WNT2: variants seen among roughly 807,000 people sequenced by gnomAD.
WNT2 encodes Wnt family member 2, also known as protein Wnt-2.
A neutral mutation model predicts 36.9 loss-of-function variants in WNT2; 12 were observed. That is an observed-to-expected ratio of 0.33 (90% CI 0.21 to 0.53). The LOEUF is 0.53. Ranked by LOEUF, WNT2 falls within the 20% of genes least tolerant of loss-of-function variation. The pLI is 0.95. For missense variants in WNT2, 379 were observed against 473.1 expected, an observed-to-expected ratio of 0.80 and a Z score of 1.84; for synonymous variants, 163 against 174.6, an observed-to-expected ratio of 0.93 and a Z score of 0.52.
Position 117,289,477 on chromosome 7 carries a change from G to A in WNT2, c.853+8135C>T, listed in dbSNP as rs559854488. Among the ~76,000 whole-genome samples the A allele has an allele frequency of 1.8e-4, 28 of 152,316 alleles. No individual in the cohort carries two copies. The South Asian group carries it at 3.7e-3, about 20-fold the overall frequency. On this transcript the variant is annotated intron_variant, in intron 4 of 4. Coordinates refer to ENST00000265441, the MANE Select transcript of WNT2 (RefSeq NM_003391.3). The stretch of plus-strand genomic sequence containing the variant: ...TTCCATTGAACACTTAAGCTTAAAT[G>A]GGAATTTTCATAGGCTGTGAGTTAA...
chr7:117,313,136 G>A (rs1345797596), intron 3 of WNT2, among the ~76,000 whole-genome samples: 1 of 152,228 alleles, frequency 6.6e-6, no homozygotes, highest in Non-Finnish European at 1.5e-5. Flanking sequence ...ACAAGCCCAG[G>A]CTGTTCTCAT....
At chr7:117,281,612 T>A (rs917130382) in intron 4 of WNT2, among the ~76,000 whole-genome samples, 1 of 152,060 alleles carries the variant, frequency 6.6e-6, no homozygotes, top group African/African-American at 2.4e-5. Flanking sequence ...AGACCTTTAA[T>A]TCTGAAAACT....
chr7:117,291,128 G>A (rs2116341475), intron 4 of WNT2, among the ~76,000 whole-genome samples: 1 of 152,302 alleles, frequency 6.6e-6, no homozygotes, highest in African/African-American at 2.4e-5. Flanking sequence ...TGTACCCATG[G>A]GTTCTGAGTT....
chr7:117,305,444 T>C (rs569780113), intron 3 of WNT2, among the ~76,000 whole-genome samples: 13 of 152,332 alleles, frequency 8.5e-5, no homozygotes, highest in African/African-American at 2.9e-4. Flanking sequence ...TCTTTTATCC[T>C]TGAATTACTG....
intron 4 of WNT2, among the ~76,000 whole-genome samples, chr7:117,289,874 G>C (rs1794655291): frequency 6.6e-6 from 1 of 152,156 alleles, no homozygotes; most frequent in Non-Finnish European, 1.5e-5. Flanking sequence ...AAGCAGATAG[G>C]TCCTTGACAC....
At chr7:117,321,137 G>A (rs1795318469) in intron 1 of WNT2, among the ~76,000 whole-genome samples, 1 of 152,190 alleles carries the variant, frequency 6.6e-6, no homozygotes. Context: ...GTCTTGGGGA[G>A]AATGTGTGGA....
At chr7:117,286,676 A>G (rs1360189663) in intron 4 of WNT2, among the ~76,000 whole-genome samples, 1 of 152,132 alleles carries the variant, frequency 6.6e-6, no homozygotes, top group Non-Finnish European at 1.5e-5. Context: ...GAACTAAAGT[A>G]TGTTAAAGAG....
intron 4 of WNT2, among the ~76,000 whole-genome samples, chr7:117,288,774 A>G (rs1419685192): frequency 2.0e-5 from 3 of 152,252 alleles, no homozygotes; most frequent in South Asian, 2.1e-4. Context: ...ACCACTGTCA[A>G]TTCAAATTAA....
intron 4 of WNT2, among the ~76,000 whole-genome samples, chr7:117,293,174 C>A (rs1794724164): frequency 6.6e-6 from 1 of 151,260 alleles, no homozygotes; most frequent in Non-Finnish European, 1.5e-5. Context: ...CCCTAAGATG[C>A]TGGTTCAATA....
chr7:117,315,500 C>A, intron 2 of WNT2, 152 bp from the exon 3 acceptor site: 1 of 839,620 alleles, frequency 1.2e-6, no homozygotes, highest in South Asian at 1.9e-5. Context: ...TTTTCTAGAG[C>A]CCAGGCTCTT....
intron 4 of WNT2, among the ~76,000 whole-genome samples, chr7:117,286,045 G>A (rs1362988585): frequency 1.3e-5 from 2 of 152,172 alleles, no homozygotes; most frequent in African/African-American, 2.4e-5. Context: ...GGAAGGAGCT[G>A]CTTCCAGCCA....
At chr7:117,286,513 T>C (rs1181536969) in intron 4 of WNT2, among the ~76,000 whole-genome samples, 1 of 151,630 alleles carries the variant, frequency 6.6e-6, no homozygotes. Flanking sequence ...TGGATAGACC[T>C]GTGTCTGGAA....
At chr7:117,296,708 A>T (rs1450473544) in intron 4 of WNT2, among the ~76,000 whole-genome samples, 1 of 152,270 alleles carries the variant, frequency 6.6e-6, no homozygotes, top group East Asian at 1.9e-4. Context: ...GAGCATGAAC[A>T]TGTGTAAACC....
At position 117,277,209 on chromosome 7, in the gene WNT2, C is replaced by T. The variant is rs1410844488; in HGVS notation, c.*946G>A. On this transcript the variant is annotated 3_prime_UTR_variant, in exon 5 of 5. Transcript: ENST00000265441. ...TTCAAGTCTTTCAGTTATGAGATTCCATGGGTCACATGCATAATATGAGAT... is the reference window on the plus strand; with the variant it reads ...TTCAAGTCTTTCAGTTATGAGATTCTATGGGTCACATGCATAATATGAGAT... 6.6e-6 allele frequency: 1 copy of T among 152,196 alleles called. No homozygotes were observed. Among genetic ancestry groups the T allele is most frequent in the Non-Finnish European group, 1.5e-5 (1 of 68,030 alleles). 9.4% of individuals were successfully genotyped at this position (152,196 alleles called of 1,614,324 possible). A position where few individuals can be genotyped will look rare whatever the true frequency, so the allele number is the denominator to read the frequency against.
At chr7:117,320,853 T>C in intron 1 of WNT2, 60 bp from the exon 2 acceptor site, 3 of 1,457,178 alleles carry the variant, frequency 2.1e-6, no homozygotes. Context: ...CCTGGCTCAG[T>C]GTTCCTGGGA....
At chr7:117,301,896 C>T (rs1413386929) in intron 3 of WNT2, among the ~76,000 whole-genome samples, 3 of 149,218 alleles carry the variant, frequency 2.0e-5, no homozygotes, top group Non-Finnish European at 3.0e-5. Context: ...CCACCTCCAC[C>T]TCCCAGGTTC....
Position 117,293,666 on chromosome 7 carries a change from A to G in WNT2, c.853+3946T>C, listed in dbSNP as rs1266206773. On this transcript the variant is annotated intron_variant, in intron 4 of 4. Coordinates refer to ENST00000265441, the MANE Select transcript of WNT2 (RefSeq NM_003391.3). ...TTTGGAGCCTGGCTATCCCAGGATG[A>G]TAGCCCATTTTGAACACGTGAGAGT... Among the ~76,000 whole-genome samples, 5 of 152,150 alleles carry G rather than the reference A, an allele frequency of 3.3e-5. No individual in the cohort carries two copies. In the East Asian group the frequency reaches 9.6e-4, roughly 29 times the overall value.
At chr7:117,299,507 T>C (rs1363678285) in intron 3 of WNT2, among the ~76,000 whole-genome samples, 1 of 151,644 alleles carries the variant, frequency 6.6e-6, no homozygotes, top group Non-Finnish European at 1.5e-5. Flanking sequence ...TTTTTTTTTT[T>C]TTTGAGACAG....
At chr7:117,301,305 A>G (rs144618702) in intron 3 of WNT2, among the ~76,000 whole-genome samples, 1 of 152,024 alleles carries the variant, frequency 6.6e-6, no homozygotes, top group East Asian at 1.9e-4. Context: ...TTGAAATTCA[A>G]ACCCTTAACC....
Sources: gnomAD v4.1 joint callset for allele counts (sites outside exome capture counted in the v4.1 genomes callset) on GRCh38, gnomAD v4.1.1 for gene constraint, MANE v1.5 for transcripts, NCBI Gene and HGNC (gene_info 2026-07-23, HGNC 2026-07-21) for gene names.